The following BNC1 variants were observed in gnomAD, a reference collection of about 807,000 sequenced individuals.
BNC1 encodes the protein zinc finger protein basonuclin-1.
BNC1 carries 8 observed loss-of-function variants against 66.5 expected under a neutral mutation model. The ratio of observed to expected loss-of-function variants is 0.12; its 90% CI spans 0.07 to 0.22. BNC1 has a LOEUF of 0.22. Among genes scored for constraint, BNC1 ranks in the 10% least tolerant of loss-of-function variants. The pLI is 1.00. For synonymous variants in BNC1, 454 were observed against 452.6 expected (o/e 1.00, Z -0.04); for missense variants, 1,069 against 1,241.3 (o/e 0.86, Z 2.09).
chr15:83,268,004 G>T, intron 2 of BNC1, 129 bp downstream of exon 2: 1 of 724,434 alleles, frequency 1.4e-6, no homozygotes, highest in Non-Finnish European at 2.3e-6. Context: ...CCTGTTACCT[G>T]GGACATGCTA....
At chr15:83,266,567 G>C (rs927583355) in intron 3 of BNC1, among the ~76,000 whole-genome samples, 2 of 152,154 alleles carry the variant, frequency 1.3e-5, no homozygotes, top group Non-Finnish European at 2.9e-5. Context: ...ACCTGAAATG[G>C]GGCAAATGGT....
At position 83,256,150 on chromosome 15, in the gene BNC1, G is replaced by C. The variant is rs1476206655; in HGVS notation, c.*1292C>G. On this transcript the variant is annotated 3_prime_UTR_variant, in exon 5 of 5. Coordinates refer to ENST00000345382, the MANE Select transcript of BNC1 (RefSeq NM_001717.4). ...TCTCTCTTATAACCCTCAACTTTAA[G>C]AATGTTTTTTATTACTTACATCAAC... The C allele has an allele frequency of 6.6e-6, 1 of 152,422 alleles. No homozygotes were observed. 9.4% of individuals were successfully genotyped at this position (152,422 alleles called of 1,614,324 possible).
intron 1 of BNC1, chr15:83,283,525 A>C (rs753131640): frequency 2.8e-5 from 28 of 985,186 alleles, no homozygotes; most frequent in Non-Finnish European, 3.3e-5. Context: ...GGGACTGTTA[A>C]GGGAGCTCGA....
chr15:83,263,072 T>C lies in BNC1; in HGVS notation c.2179A>G (p.Lys727Glu). The C allele has an allele frequency of 6.2e-7, 1 of 1,614,252 alleles. No homozygotes were observed. The highest frequency in any genetic ancestry group is 8.5e-7 in the Non-Finnish European group (1 of 1,180,046). The change falls in exon 4 of 5, where the codon AAG becomes GAG. Residue 727 changes from lysine (K) to glutamate (E), a missense_variant. By Grantham distance (56) the Lys-to-Glu change is moderately conservative (BLOSUM62 1). Around this residue, in one of 7 missense-constraint regions of BNC1, gnomAD observed 657 missense variants for 715.8 expected, o/e 0.92. Coordinates refer to ENST00000345382, the MANE Select transcript of BNC1 (RefSeq NM_001717.4). ...ACACTACAAGCATTTTTAAAGGTCT[T>C]CTTGCAGATGTCACACTGGAAGCGA... ...ENRFQCDICK[K>E]TFKNACSVKI...
chr15:83,283,144 C>A, intron 1 of BNC1: 1 of 1,535,588 alleles, frequency 6.5e-7, no homozygotes, highest in Non-Finnish European at 8.7e-7. Context: ...CTGTCAGACT[C>A]GGAGCGGTGG....
intron 3 of BNC1, among the ~76,000 whole-genome samples, chr15:83,265,637 C>G (rs561762442): frequency 6.6e-6 from 1 of 152,224 alleles, no homozygotes; most frequent in African/African-American, 2.4e-5. Context: ...TCTACATAAA[C>G]GGTTGTTTCT....
At position 83,264,673 on chromosome 15, in the gene BNC1, A is replaced by T. The variant is rs1455642540; in HGVS notation, c.578T>A (p.Ile193Asn). 7 of 1,614,106 alleles carry T rather than the reference A, an allele frequency of 4.3e-6. No individual in the cohort carries two copies. Among genetic ancestry groups the T allele is most frequent in the Non-Finnish European group, 5.1e-6 (6 of 1,180,018 alleles). Residue 193 changes from isoleucine to asparagine, a missense_variant, in exon 4 of 5, where the codon ATC (isoleucine) becomes AAC (asparagine). This residue lies in a region of BNC1 where 181 missense variants were observed against 181.5 expected (regional missense o/e 1.00). Coordinates refer to ENST00000345382, the MANE Select transcript of BNC1 (RefSeq NM_001717.4). ...ATTTGCTGTGGAAGGTGGTATGATGATGGATTGCTCTTCTTTCTCTTGAAT... is the reference window on the plus strand; with the variant it reads ...ATTTGCTGTGGAAGGTGGTATGATGTTGGATTGCTCTTCTTTCTCTTGAAT... ...MAIQEKEEQSIIIPPSTANVD... is the reference protein window; with the variant it reads ...MAIQEKEEQSNIIPPSTANVD...
chr15:83,259,334 T>C (rs910701509), intron 4 of BNC1, among the ~76,000 whole-genome samples: 1 of 152,194 alleles, frequency 6.6e-6, no homozygotes, highest in Admixed American at 6.5e-5. Context: ...TATCAGAATG[T>C]ATGGCAGAGT....
chr15:83,278,265 ATTTG>A (rs1358150910), intron 1 of BNC1, among the ~76,000 whole-genome samples: 2 of 152,130 alleles, frequency 1.3e-5, no homozygotes, highest in Non-Finnish European at 2.9e-5. Context: ...CAAGGTTTTT[ATTTG>A]TTTGTTTCTA....
At chr15:83,258,159 T>C (rs763274556) in intron 4 of BNC1, 33 bp from the exon 5 acceptor site, 2 of 1,552,838 alleles carry the variant, frequency 1.3e-6, no homozygotes, top group Non-Finnish European at 1.7e-6. Flanking sequence ...AGTAATGGGT[T>C]GGGCTGTTTT....
chr15:83,267,706 TA>T (rs2038231195), intron 2 of BNC1, among the ~76,000 whole-genome samples: 2 of 152,238 alleles, frequency 1.3e-5, no homozygotes, highest in African/African-American at 4.8e-5. Flanking sequence ...AATCCAAACG[TA>T]AATTTGAGAT....
chr15:83,266,337 A>G (rs986160598), intron 3 of BNC1, among the ~76,000 whole-genome samples: 1 of 152,184 alleles, frequency 6.6e-6, no homozygotes, highest in Admixed American at 6.5e-5. Flanking sequence ...AAATGCATAC[A>G]TGAACACAGA....
chr15:83,283,109 G>A (rs1045156466), intron 1 of BNC1: 6 of 1,530,838 alleles, frequency 3.9e-6, no homozygotes, highest in Non-Finnish European at 4.4e-6. Context: ...ACACAATTAA[G>A]GCTGGGAGAT....
chr15:83,277,272 G>A (rs971500772), intron 1 of BNC1, among the ~76,000 whole-genome samples: 1 of 152,066 alleles, frequency 6.6e-6, no homozygotes, highest in Admixed American at 6.6e-5. Flanking sequence ...AGAGACGGGG[G>A]TCTCACTATG....
Position 83,264,401 on chromosome 15 carries a change from A to G in BNC1, c.850T>C (p.Phe284Leu), listed in dbSNP as rs1130108. The change falls in exon 4 of 5, where the codon TTC (phenylalanine) becomes CTC (leucine). Residue 284 changes from phenylalanine (F) to leucine (L), a missense_variant. By Grantham distance (22) the Phe-to-Leu change is conservative (BLOSUM62 0). Around this residue, in one of 7 missense-constraint regions of BNC1, gnomAD observed 181 missense variants for 181.5 expected, o/e 1.00. Transcript: ENST00000345382. ...QDPKQEVHGP[F>L]PDSSFLTSSS... is the part of the protein sequence containing the mutation. ...GAAGTTAAGAAGCTGCTGTCAGGGAAGGGCCCATGGACTTCCTGTTTGGGG... is the reference window on the plus strand; with the variant it reads ...GAAGTTAAGAAGCTGCTGTCAGGGAGGGGCCCATGGACTTCCTGTTTGGGG... The G allele has an allele frequency of 1.6e-5, 25 of 1,612,598 alleles. No homozygotes were observed. The highest frequency in any genetic ancestry group is 2.0e-5 in the Non-Finnish European group (24 of 1,178,838).
rs754645119 is a variant in BNC1 at position 83,267,047 on chromosome 15, G to T, written c.224C>A (p.Pro75His). The T allele has an allele frequency of 3.7e-6, 6 of 1,613,898 alleles. No homozygotes were observed. In the Admixed American group the frequency reaches 6.7e-5, roughly 18 times the overall value. Residue 75 changes from proline to histidine, a missense_variant, in exon 3 of 5, where the codon CCC (proline) becomes CAC (histidine). By Grantham distance (77) the Pro-to-His change is moderately conservative. Transcript: ENST00000345382. ...AHALSKLRIPPMYPTSQVEIV... is the reference protein window; with the variant it reads ...AHALSKLRIPHMYPTSQVEIV... ...CTCCACCTGGCTTGTTGGATACATG[G>T]GGGGGATCCTTAGCTTACTTAGAGC...
chr15:83,269,481 A>G (rs2038249417), intron 1 of BNC1, among the ~76,000 whole-genome samples: 1 of 152,124 alleles, frequency 6.6e-6, no homozygotes, highest in Non-Finnish European at 1.5e-5. Flanking sequence ...AAAGCCTTAC[A>G]ATTAAGGTTT....
chr15:83,271,423 A>G (rs141610780), intron 1 of BNC1, among the ~76,000 whole-genome samples: 9 of 152,350 alleles, frequency 5.9e-5, no homozygotes, highest in Non-Finnish European at 1.5e-5. Flanking sequence ...GTAAATAGCA[A>G]CAGCATTACC....
intron 1 of BNC1, chr15:83,283,598 G>A (rs929117942): frequency 7.0e-5 from 58 of 832,752 alleles, no homozygotes; most frequent in Non-Finnish European, 7.2e-5. Flanking sequence ...GGAAGCGGCA[G>A]GCGCAGCCGC....
Sources: allele counts gnomAD v4.1 joint callset (sites outside exome capture counted in the v4.1 genomes callset), GRCh38; gene constraint gnomAD v4.1.1; regional missense constraint gnomAD v4.1.1; transcripts MANE v1.5; gene names NCBI Gene and HGNC (gene_info 2026-07-23, HGNC 2026-07-21).